KIAA1549L: variants seen among roughly 807,000 people sequenced by gnomAD.
The protein encoded by KIAA1549L is KIAA1549 like, also known as UPF0606 protein KIAA1549L.
Under a neutral mutation model 160.7 loss-of-function variants are expected in KIAA1549L, and 88 were observed. The ratio of observed to expected loss-of-function variants is 0.55; its 90% CI spans 0.46 to 0.65. KIAA1549L has a LOEUF of 0.65. KIAA1549L is among the 30% of genes least tolerant of loss of function. KIAA1549L has a pLI of 0.00. For synonymous variants in KIAA1549L, 950 were observed against 976.7 expected, an observed-to-expected ratio of 0.97 and a Z score of 0.51; for missense variants, 2,258 against 2,437.5, an observed-to-expected ratio of 0.93 and a Z score of 1.55.
intron 15 of KIAA1549L, among the ~76,000 whole-genome samples, chr11:33,610,226 T>C (rs2133330535): frequency 6.6e-6 from 1 of 152,282 alleles, no homozygotes; most frequent in Non-Finnish European, 1.5e-5. Flanking sequence ...TTCAAACCAG[T>C]TGCTTTTTCA....
At chr11:33,396,220 A>C (rs1418826884) in intron 1 of KIAA1549L, among the ~76,000 whole-genome samples, 1 of 152,122 alleles carries the variant, frequency 6.6e-6, no homozygotes, top group East Asian at 1.9e-4. Flanking sequence ...GGACCATCAG[A>C]CCATTGGAAC....
At chr11:33,636,663 C>T (rs1247852848) in intron 16 of KIAA1549L, among the ~76,000 whole-genome samples, 3 of 152,158 alleles carry the variant, frequency 2.0e-5, no homozygotes, top group Admixed American at 1.3e-4. Context: ...AAATTGTGAA[C>T]AGTATATTGT....
intron 11 of KIAA1549L, among the ~76,000 whole-genome samples, chr11:33,586,523 A>G (rs1198364236): frequency 1.3e-5 from 2 of 151,974 alleles, no homozygotes; most frequent in African/African-American, 2.4e-5. Flanking sequence ...ATGTACAGCC[A>G]TTTTTCTAGT....
At chr11:33,591,492 C>T (rs1023572085) in intron 12 of KIAA1549L, 71 bp downstream of exon 12, 7 of 1,241,330 alleles carry the variant, frequency 5.6e-6, no homozygotes, top group East Asian at 2.4e-5. Context: ...AAGCTGATGC[C>T]CTCAAGTTAA....
intron 16 of KIAA1549L, among the ~76,000 whole-genome samples, chr11:33,633,129 C>T (rs1456629766): frequency 1.4e-5 from 2 of 146,628 alleles, no homozygotes; most frequent in South Asian, 2.2e-4. Context: ...GTGCCCACCA[C>T]CATGCCCAGC....
chr11:33,462,045 G>C (rs545322266), intron 1 of KIAA1549L, among the ~76,000 whole-genome samples: 1 of 152,308 alleles, frequency 6.6e-6, no homozygotes, highest in East Asian at 1.9e-4. Context: ...AAGAGAGTGT[G>C]AATCATTTAG....
intron 15 of KIAA1549L, among the ~76,000 whole-genome samples, chr11:33,612,418 CTT>C (rs1564923651): frequency 2.0e-5 from 3 of 152,250 alleles, no homozygotes; most frequent in Middle Eastern, 3.4e-3. Context: ...AGGCCAGTCT[CTT>C]TTTATTTTTT....
intron 12 of KIAA1549L, among the ~76,000 whole-genome samples, chr11:33,598,229 T>TGTGTCTGA (rs138775051): frequency 0.024 from 3,609 of 148,044 alleles, 90 homozygotes; most frequent in Non-Finnish European, 0.036. Context: ...TGTGTGTGTG[T>TGTGTCTGA]CAGAGTGAAG....
chr11:33,655,966 C>A, intron 17 of KIAA1549L, 46 bp from the exon 18 acceptor site: 1 of 1,353,876 alleles, frequency 7.4e-7, no homozygotes, highest in Non-Finnish European at 1.1e-6. Flanking sequence ...TGCTGATCGA[C>A]CCTGGGTGTT....
In KIAA1549L at chr11:33,606,777, C is replaced by A. The variant is rs768656298; in HGVS notation, c.5016C>A (p.Pro1672=). 5.6e-6 allele frequency: 9 copies of A among 1,613,146 alleles called. No individual in the cohort carries two copies. The highest frequency in any genetic ancestry group is 4.4e-5 in the South Asian group (4 of 90,830). The change falls in exon 14 of 21, where the codon CCC becomes CCA. Residue 1672 remains proline (P), a synonymous_variant. Transcript: ENST00000658780. ...IKPTALPMVP[P]TSDRSQESSA... ...CCACAGCCCTCCCCATGGTGCCCCC[C>A]ACCTCGGACAGGAGCCAGGAGTCAT...
At chr11:33,562,826 A>G (rs1324499663) in intron 8 of KIAA1549L, among the ~76,000 whole-genome samples, 1 of 151,632 alleles carries the variant, frequency 6.6e-6, no homozygotes, top group African/African-American at 2.4e-5. Context: ...TTACAGGCAC[A>G]CACCACCATA....
At chr11:33,494,917 T>C (rs755111831) in intron 1 of KIAA1549L, among the ~76,000 whole-genome samples, 1 of 152,166 alleles carries the variant, frequency 6.6e-6, no homozygotes, top group Non-Finnish European at 1.5e-5. Context: ...TAGTCAAATA[T>C]TGAAGCAGAG....
intron 1 of KIAA1549L, among the ~76,000 whole-genome samples, chr11:33,468,132 G>A (rs1156779332): frequency 2.0e-5 from 3 of 152,212 alleles, no homozygotes; most frequent in African/African-American, 7.2e-5. Flanking sequence ...CCAGTGGGGC[G>A]ATAGCAGTTT....
intron 10 of KIAA1549L, among the ~76,000 whole-genome samples, chr11:33,578,698 C>G (rs1855537323): frequency 6.6e-6 from 1 of 152,178 alleles, no homozygotes; most frequent in Non-Finnish European, 1.5e-5. Context: ...GCTTTTCCAG[C>G]CGTGTGGCCT....
rs1470975165 is a variant in KIAA1549L, at chr11:33,543,457, A to C, written c.1894A>C (p.Ile632Leu). Residue 632 changes from isoleucine to leucine, a missense_variant, in exon 2 of 21, where the codon ATA becomes CTA. Ile to Leu is a conservative substitution (Grantham distance 5). Transcript: ENST00000658780. ...SGPPLPSILS[I>L]QATQTVFPSL... ...ACCACCTCTACCTTCCATACTCTCC[A>C]TACAAGCCACCCAGACTGTTTTCCC... is the stretch of plus-strand genomic sequence containing the variant. The C allele has an allele frequency of 2.5e-6, 4 of 1,613,852 alleles. No individual in the cohort carries two copies. In the African/African-American group the frequency reaches 5.3e-5, roughly 22 times the overall value.
intron 1 of KIAA1549L, among the ~76,000 whole-genome samples, chr11:33,530,436 AATATATAT>A (rs869093534): frequency 0.015 from 180 of 11,636 alleles, no homozygotes; most frequent in South Asian, 0.05. Flanking sequence ...AAAAAAAAAA[AATATATAT>A]ATATATATAT....
At chr11:33,421,132 A>G (rs1437695631) in intron 1 of KIAA1549L, among the ~76,000 whole-genome samples, 2 of 151,918 alleles carry the variant, frequency 1.3e-5, no homozygotes, top group Non-Finnish European at 2.9e-5. Flanking sequence ...AATTCCCTCC[A>G]CTGTCATCAC....
At chr11:33,526,889 TAAAG>T (rs958227102) in intron 1 of KIAA1549L, among the ~76,000 whole-genome samples, 12 of 152,046 alleles carry the variant, frequency 7.9e-5, no homozygotes, top group Admixed American at 2.6e-4. Context: ...AAAACCAACT[TAAAG>T]AAATTTAAAA....
At chr11:33,651,414 G>C (rs1336892608) in intron 17 of KIAA1549L, among the ~76,000 whole-genome samples, 1 of 150,274 alleles carries the variant, frequency 6.7e-6, no homozygotes, top group African/African-American at 2.4e-5. Context: ...TCCAGCCTGT[G>C]CAAAAGAGCA....
Sources: allele counts gnomAD v4.1 joint callset (sites outside exome capture counted in the v4.1 genomes callset), GRCh38; gene constraint gnomAD v4.1.1; transcripts MANE v1.5; gene names NCBI Gene and HGNC (gene_info 2026-07-23, HGNC 2026-07-21).